The following ZNF446 variants were observed in gnomAD, a reference collection of about 807,000 sequenced individuals.
ZNF446 encodes zinc finger protein with KRAB and SCAN domains 20.
A neutral mutation model predicts 34.0 loss-of-function variants in ZNF446; 42 were observed. The ratio of observed to expected loss-of-function variants is 1.23; its 90% confidence interval spans 0.96 to 1.60. The LOEUF is 1.60. ZNF446 is among the 40% of genes most tolerant of loss of function. The pLI, the probability that ZNF446 is intolerant of heterozygous loss-of-function variation, is 0.00. For missense variants in ZNF446, 650 were observed against 600.2 expected (o/e 1.08, Z -0.87); for synonymous variants, 315 against 251.0 (o/e 1.25, Z -2.41).
intron 1 of ZNF446, 31 bp from the exon 2 acceptor site, chr19:58,477,147 TG>T: frequency 7.3e-7 from 1 of 1,374,326 alleles, no homozygotes; most frequent in African/African-American, 1.4e-5. Flanking sequence ...CAGATTCTCT[TG>T]GCTGACATTC....
At position 58,480,973 on chromosome 19, in the gene ZNF446, T is replaced by G. The variant is rs895088680; in HGVS notation, c.*247T>G. 1.3e-5 allele frequency: 7 copies of G among 547,288 alleles called. 1 individual carries two copies. Among genetic ancestry groups the G allele is most frequent in the Middle Eastern group, 4.9e-4 (1 of 2,032 alleles). The allele number at this position is 547,288 out of a possible 1,614,324, so 33.9% of individuals were successfully genotyped here. On this transcript the variant is annotated 3_prime_UTR_variant, in exon 7 of 7. Coordinates refer to ENST00000594369, the MANE Select transcript of ZNF446 (RefSeq NM_017908.4). This position sits in a 1 kb window ranked among gnomAD's most constrained non-coding sequence, Gnocchi z 7.2. ...TGGGTTCCCTTCTATGGCTGACCAGTGCCTGTGGGGTGACTGCCAAGCACC... is the reference window on the plus strand; with the variant it reads ...TGGGTTCCCTTCTATGGCTGACCAGGGCCTGTGGGGTGACTGCCAAGCACC...
At chr19:58,483,493 TA>T (rs900173998), downstream of ZNF446, 8 of 151,866 alleles carry the variant, frequency 5.3e-5, no homozygotes, top group Admixed American at 6.6e-5. Context: ...GTCTCAAAAA[TA>T]ATACTACTAC....
At chr19:58,477,922 G>C (rs1454246412) in intron 3 of ZNF446, 96 bp downstream of exon 3, 2 of 1,374,736 alleles carry the variant, frequency 1.5e-6, no homozygotes, top group African/African-American at 2.9e-5. Flanking sequence ...TGTCAAGGCT[G>C]GGACTCCTGA....
At chr19:58,484,134 T>C (rs1174251803), downstream of ZNF446, among the ~76,000 whole-genome samples, 1 of 151,972 alleles carries the variant, frequency 6.6e-6, no homozygotes, top group Non-Finnish European at 1.5e-5. Context: ...CTCACCAAGC[T>C]AATACTAGAG....
downstream of ZNF446, among the ~76,000 whole-genome samples, chr19:58,481,805 TTTGTC>T (rs1318194914): frequency 6.8e-6 from 1 of 146,758 alleles, no homozygotes; most frequent in African/African-American, 2.5e-5. Flanking sequence ...TTTGTTTTGT[TTTGTC>T]TGAGATGGAG....
rs1282268994 is a variant in ZNF446 at position 58,480,693 on chromosome 19, C to A, written c.1320C>A (p.Ile440=). ...RAFDWKSQLV[I]HRKGHRPEVP is the part of the protein sequence containing the mutation. ...TCGACTGGAAGTCGCAGCTGGTCAT[C>A]CACCGCAAGGGCCACCGGCCGGAGG... is the stretch of plus-strand genomic sequence containing the variant. The change falls in exon 7 of 7, where the codon ATC becomes ATA. Residue 440 remains isoleucine (I), a synonymous_variant. Coordinates refer to ENST00000594369, the MANE Select transcript of ZNF446 (RefSeq NM_017908.4). This position sits in a 1 kb window ranked among gnomAD's most constrained non-coding sequence, Gnocchi z 7.2. 2 of 1,608,500 alleles carry A rather than the reference C, an allele frequency of 1.2e-6. No individual in the cohort carries two copies. Among genetic ancestry groups the A allele is most frequent in the African/African-American group, 2.7e-5 (2 of 74,912 alleles).
Position 58,480,166 on chromosome 19 carries a change from C to T in ZNF446, c.803-10C>T, listed in dbSNP as rs559708959. On this transcript the variant is annotated splice_polypyrimidine_tract_variant and intron_variant, in intron 6 of 6. Transcript: ENST00000594369. This position sits in a 1 kb window ranked among gnomAD's most constrained non-coding sequence, Gnocchi z 7.2. ...GTGCCGGGACTCACCTGGTTTGCCC[C>T]TGCCCCCAGGAAATGAGAGTGAGGG... 9 of 1,590,096 alleles carry T rather than the reference C, an allele frequency of 5.7e-6. No homozygotes were observed. Among genetic ancestry groups the T allele is most frequent in the Non-Finnish European group, 7.7e-6 (9 of 1,175,256 alleles).
At position 58,481,044 on chromosome 19, in the gene ZNF446, C is replaced by G. The variant is rs1474259311; in HGVS notation, c.*318C>G. The G allele has an allele frequency of 2.7e-6, 1 of 367,462 alleles. No homozygotes were observed. Among genetic ancestry groups the G allele is most frequent in the Non-Finnish European group, 5.0e-6 (1 of 198,172 alleles). The allele number at this position is 367,462 out of a possible 1,614,324, so 22.8% of individuals were successfully genotyped here. A position where few individuals can be genotyped will look rare whatever the true frequency, so the allele number is the denominator to read the frequency against. The stretch of plus-strand genomic sequence containing the variant: ...ACATGGCCTGGGCTGACAACACTCC[C>G]TCTCCTGGGACCTCCTTGCCTCAGG... On this transcript the variant is annotated 3_prime_UTR_variant, in exon 7 of 7. Coordinates refer to ENST00000594369, the MANE Select transcript of ZNF446 (RefSeq NM_017908.4).
Position 58,476,381 on chromosome 19 carries a change from G to C in ZNF446, c.-164G>C, listed in dbSNP as rs1327221062. ...CCTACCCTCAACGCCGTTCCGGGGGGCCGGGCCTGGCAAGTCCTCTTGGAA... is the reference window on the plus strand; with the variant it reads ...CCTACCCTCAACGCCGTTCCGGGGGCCCGGGCCTGGCAAGTCCTCTTGGAA... On this transcript the variant is annotated 5_prime_UTR_variant, in exon 1 of 7. Transcript: ENST00000594369. 2 of 152,306 alleles carry C rather than the reference G, an allele frequency of 1.3e-5. No individual in the cohort carries two copies. The highest frequency in any genetic ancestry group is 1.3e-4 in the Admixed American group (2 of 15,294). The allele number at this position is 152,306 out of a possible 1,614,324, so 9.4% of individuals were successfully genotyped here. A position where few individuals can be genotyped will look rare whatever the true frequency, so the allele number is the denominator to read the frequency against.
chr19:58,484,058 T>G (rs2053156409), downstream of ZNF446, among the ~76,000 whole-genome samples: 1 of 152,062 alleles, frequency 6.6e-6, no homozygotes, highest in Non-Finnish European at 1.5e-5. Context: ...GAACATGAGA[T>G]TTATTTTTGC....
At position 58,480,579 on chromosome 19, in the gene ZNF446, C is replaced by T; in HGVS notation, c.1206C>T (p.Cys402=). Residue 402 remains cysteine (C), a synonymous_variant, in exon 7 of 7, where the codon TGC becomes TGT. Transcript: ENST00000594369. The surrounding 1 kb of genome is among the most constrained non-coding windows in gnomAD (Gnocchi z 7.2). ...PRSYPCEECG[C]SFSWKSQLVI... ...GTTACCCGTGTGAGGAGTGCGGGTG[C>T]AGCTTCAGCTGGAAGTCGCAGCTGG... The T allele has an allele frequency of 6.2e-7, 1 of 1,612,932 alleles. No homozygotes were observed. Among genetic ancestry groups the T allele is most frequent in the Non-Finnish European group, 8.5e-7 (1 of 1,179,968 alleles).
At chr19:58,488,800 A>G in the ZNF446 span, among the ~76,000 whole-genome samples, 7 of 150,172 alleles carry the variant, frequency 4.7e-5, no homozygotes, top group African/African-American at 1.2e-4. Context: ...GCGGTGAGCC[A>G]AGATCACGCC....
the ZNF446 span, among the ~76,000 whole-genome samples, chr19:58,488,724 A>G: frequency 2.6e-5 from 4 of 151,644 alleles, no homozygotes; most frequent in Non-Finnish European, 5.9e-5. Context: ...GGTAGCAGGC[A>G]CCTGTAGTCC....
At chr19:58,478,314 A>G (rs921394566) in intron 4 of ZNF446, 133 bp downstream of exon 4, 2 of 763,076 alleles carry the variant, frequency 2.6e-6, no homozygotes, top group Non-Finnish European at 4.2e-6. Flanking sequence ...AGTCTGTAAA[A>G]GCTGTACCCC....
Position 58,477,903 on chromosome 19 carries a change from GGA to G in ZNF446, c.532+81_532+82del, listed in dbSNP as rs2053103493. On this transcript the variant is annotated intron_variant, in intron 3 of 6. Transcript: ENST00000594369. ...ATTCCTGGCTAGGGTGGGAGTCCCA[GGA>G]GAGGTGTGTCAAGGCTGGGACTCCT... The G allele has an allele frequency of 5.6e-6, 8 of 1,422,304 alleles. 1 individual carries two copies. In the South Asian group the frequency reaches 1.0e-4, roughly 18 times the overall value. The allele number at this position is 1,422,304 out of a possible 1,614,324, so 88.1% of individuals were successfully genotyped here.
chr19:58,482,506 G>C (rs1377285684), downstream of ZNF446, among the ~76,000 whole-genome samples: 3 of 152,168 alleles, frequency 2.0e-5, no homozygotes, highest in Non-Finnish European at 4.4e-5. Flanking sequence ...CCTCTCGGAA[G>C]GAGCCCTCGC....
chr19:58,478,122 G>A lies in ZNF446; in HGVS notation c.568G>A (p.Glu190Lys). Reference protein sequence around the residue: ...SSPPLAAQSPEGNHGHQEPAS... With the variant: ...SSPPLAAQSPKGNHGHQEPAS... ...CCCTCCACTTGCAGCACAGTCCCCT[G>A]AGGGGAACCATGGACACCAAGAACC... Residue 190 changes from glutamate (E) to lysine (K), a missense_variant, in exon 4 of 7, where the codon GAG becomes AAG. Glu to Lys is a moderately conservative substitution (Grantham distance 56). Transcript: ENST00000594369. 2 of 1,614,032 alleles carry A rather than the reference G, an allele frequency of 1.2e-6. No homozygotes were observed. The highest frequency in any genetic ancestry group is 1.7e-6 in the Non-Finnish European group (2 of 1,179,934).
the ZNF446 span, among the ~76,000 whole-genome samples, chr19:58,488,848 C>CAAAAAAAAAA: frequency 2.0e-5 from 2 of 102,314 alleles, no homozygotes; most frequent in African/African-American, 3.8e-5. Flanking sequence ...AAGACTCCGT[C>CAAAAAAAAAA]AAAAAAAAAA....
In ZNF446 at chr19:58,477,819, G is replaced by A. The variant is rs764214696; in HGVS notation, c.525G>A (p.Gln175=). Residue 175 remains glutamine (Q), a synonymous_variant, in exon 3 of 7, where the codon CAG becomes CAA. Transcript: ENST00000594369. ...AGGAGGAGCCCAATGTCGATGGACAGGAAGTGGGTGAGGTTGGGGTCCCAC... is the reference window on the plus strand; with the variant it reads ...AGGAGGAGCCCAATGTCGATGGACAAGAAGTGGGTGAGGTTGGGGTCCCAC... ...SVKEEPNVDG[Q]EVAPSSPPLA... is the part of the protein sequence containing the mutation. 1.9e-6 allele frequency: 3 copies of A among 1,556,146 alleles called. No individual in the cohort carries two copies. The highest frequency in any genetic ancestry group is 2.0e-5 in the Admixed American group (1 of 50,522).
Sources: allele counts gnomAD v4.1 joint callset (sites outside exome capture counted in the v4.1 genomes callset), GRCh38; gene constraint gnomAD v4.1.1; non-coding constraint Gnocchi (gnomAD v3.1); transcripts MANE v1.5; gene names NCBI Gene and HGNC (gene_info 2026-07-23, HGNC 2026-07-21).